The following SCAPER variants were observed in gnomAD, a reference collection of about 807,000 sequenced individuals.
SCAPER encodes S-phase cyclin A associated protein in the ER.
In SCAPER, 98 loss-of-function variants were observed where a neutral mutation model predicts 182.2. That is an observed-to-expected ratio of 0.54 (90% CI 0.46 to 0.64). The LOEUF (loss-of-function observed/expected upper bound fraction) is 0.64, where lower values mean the gene tolerates loss of function less well. Ranked by LOEUF, SCAPER falls within the 30% of genes least tolerant of loss-of-function variation. The pLI, the probability that SCAPER is intolerant of heterozygous loss-of-function variation, is 0.00. For missense variants in SCAPER, 1,432 were observed against 1,690.0 expected, an observed-to-expected ratio of 0.85 and a Z score of 2.68; for synonymous variants, 605 against 564.6, an observed-to-expected ratio of 1.07 and a Z score of -1.01.
intron 24 of SCAPER, among the ~76,000 whole-genome samples, chr15:76,504,163 T>C (rs1237772277): frequency 2.0e-5 from 3 of 152,112 alleles, no homozygotes; most frequent in East Asian, 1.9e-4. Context: ...GCTGGGATCA[T>C]AGATGTGAGC....
At chr15:76,523,215 T>C (rs2042953149) in intron 23 of SCAPER, among the ~76,000 whole-genome samples, 1 of 152,092 alleles carries the variant, frequency 6.6e-6, no homozygotes, top group Non-Finnish European at 1.5e-5. Flanking sequence ...GGGTTCACAC[T>C]CAGTTAAACT....
At chr15:76,478,006 T>C (rs2050797864) in intron 24 of SCAPER, among the ~76,000 whole-genome samples, 1 of 151,990 alleles carries the variant, frequency 6.6e-6, no homozygotes, top group Non-Finnish European at 1.5e-5. Context: ...TGCCAAACTT[T>C]TCCTTTAGGA....
At chr15:76,430,473 G>A (rs555401042) in intron 26 of SCAPER, among the ~76,000 whole-genome samples, 2 of 152,362 alleles carry the variant, frequency 1.3e-5, no homozygotes, top group South Asian at 2.1e-4. Flanking sequence ...CGCCCAACAC[G>A]ATGGGAACCC....
chr15:76,793,840 T>C (rs1359611327), intron 8 of SCAPER, among the ~76,000 whole-genome samples: 2 of 152,202 alleles, frequency 1.3e-5, no homozygotes, highest in Non-Finnish European at 2.9e-5. Flanking sequence ...GTTACTGGCA[T>C]CAGAAGTGGG....
chr15:76,638,790 T>A (rs1480154885), intron 21 of SCAPER, among the ~76,000 whole-genome samples: 2 of 152,228 alleles, frequency 1.3e-5, no homozygotes, highest in Non-Finnish European at 2.9e-5. Flanking sequence ...CTTATGTATT[T>A]GGCTGTTTCC....
intron 23 of SCAPER, among the ~76,000 whole-genome samples, chr15:76,554,313 CT>C (rs1397806599): frequency 2.6e-5 from 4 of 152,154 alleles, no homozygotes; most frequent in Non-Finnish European, 5.9e-5. Flanking sequence ...AACAAAACCT[CT>C]GAGAAATATG....
chr15:76,467,343 T>C (rs1315044368), intron 25 of SCAPER, among the ~76,000 whole-genome samples: 2 of 152,164 alleles, frequency 1.3e-5, no homozygotes, highest in African/African-American at 2.4e-5. Context: ...GCAAGACAGA[T>C]AGCAATCTCT....
intron 29 of SCAPER, among the ~76,000 whole-genome samples, chr15:76,369,599 A>G (rs1486620016): frequency 6.6e-6 from 1 of 152,218 alleles, no homozygotes; most frequent in Non-Finnish European, 1.5e-5. Flanking sequence ...CTATGACTGA[A>G]GAAGCTAAGG....
rs899207268 is a variant in SCAPER at position 76,804,511 on chromosome 15, T to C, written c.494+22A>G. The stretch of plus-strand genomic sequence containing the variant: ...TTGAAACTGCTGGATGATAGGAAGA[T>C]TGAGACCAGAGAGCTCATTACCTGC... On this transcript the variant is annotated intron_variant, in intron 6 of 31. Transcript: ENST00000563290. 4.6e-6 allele frequency: 7 copies of C among 1,508,432 alleles called. 1 individual carries two copies. The highest frequency in any genetic ancestry group is 4.1e-5 in the African/African-American group (3 of 72,458). 93.4% of individuals were successfully genotyped at this position (1,508,432 alleles called of 1,614,324 possible). A position where few individuals can be genotyped will look rare whatever the true frequency, so the allele number is the denominator to read the frequency against.
intron 1 of SCAPER, among the ~76,000 whole-genome samples, chr15:76,890,949 A>C (rs1016135168): frequency 6.6e-6 from 1 of 152,224 alleles, no homozygotes; most frequent in Non-Finnish European, 1.5e-5. Context: ...ATCCAGCAGC[A>C]CATCAAAAAG....
intron 24 of SCAPER, among the ~76,000 whole-genome samples, chr15:76,483,509 T>C (rs1380392894): frequency 6.6e-6 from 1 of 152,050 alleles, no homozygotes; most frequent in Non-Finnish European, 1.5e-5. Context: ...TTGGAATTCA[T>C]TAAAGTTAAA....
At chr15:76,899,961 T>G (rs2074674930) in intron 1 of SCAPER, among the ~76,000 whole-genome samples, 1 of 152,186 alleles carries the variant, frequency 6.6e-6, no homozygotes, top group East Asian at 1.9e-4. Context: ...TAGAAAGAAG[T>G]AGACATAGGA....
rs776329857 is a variant in SCAPER at position 76,434,276 on chromosome 15, C to T, written c.3113G>A (p.Gly1038Glu). The T allele has an allele frequency of 2.5e-5, 41 of 1,612,414 alleles. No individual in the cohort carries two copies. In the South Asian group the frequency reaches 4.3e-4, roughly 17 times the overall value. The change falls in exon 26 of 32, where the codon GGG (glycine) becomes GAG (glutamate). Residue 1038 changes from glycine (G) to glutamate (E), a missense_variant. Gly to Glu is a moderately conservative substitution (Grantham distance 98). This residue lies in a region of SCAPER where 718 missense variants were observed against 799.7 expected (regional missense o/e 0.90). Transcript: ENST00000563290. ...YVPDENNTIL[G>E]RNTNKQVFEG... is the part of the protein sequence containing the mutation. ...AAAAACTTGTTTATTTGTATTTCTCCCCAAAATAGTATTATTTTCATCTGG... is the reference window on the plus strand; with the variant it reads ...AAAAACTTGTTTATTTGTATTTCTCTCCAAAATAGTATTATTTTCATCTGG...
In SCAPER at chr15:76,495,991, GAGACACACACACACAC is replaced by G. The variant is rs1312196578; in HGVS notation, c.2954+8852_2954+8867del. ...AGAAAGAGAAAGAAAGCAAAAGAGA[GAGACACACACACACAC>G]ACACACACACACACACACACACACA... On this transcript the variant is annotated intron_variant, in intron 24 of 31. Transcript: ENST00000563290. 7.3e-4 allele frequency among the ~76,000 whole-genome samples: 74 copies of G among 100,974 alleles called. 1 individual carries two copies. The highest frequency in any genetic ancestry group is 2.5e-3 in the African/African-American group (60 of 23,780). The allele number at this position is 100,974 out of a possible 152,430, so 66.2% of individuals were successfully genotyped here.
chr15:76,510,888 T>TGTGCGCGC (rs1491205462), intron 23 of SCAPER, among the ~76,000 whole-genome samples: 13 of 141,090 alleles, frequency 9.2e-5, no homozygotes, highest in African/African-American at 3.4e-4. Flanking sequence ...TGTGTGTGTG[T>TGTGCGCGC]GCGCGCGCGC....
chr15:76,859,748 T>C (rs984045420), intron 3 of SCAPER, among the ~76,000 whole-genome samples: 3 of 152,190 alleles, frequency 2.0e-5, no homozygotes, highest in African/African-American at 7.2e-5. Flanking sequence ...TTTTGTTTTT[T>C]TGAGACAGAG....
At chr15:76,570,654 T>C (rs1243010289) in intron 23 of SCAPER, among the ~76,000 whole-genome samples, 1 of 152,118 alleles carries the variant, frequency 6.6e-6, no homozygotes, top group Admixed American at 6.5e-5. Flanking sequence ...AGCCTTGCAG[T>C]TCTAGTTTCT....
intron 4 of SCAPER, among the ~76,000 whole-genome samples, chr15:76,854,047 G>A (rs2071063960): frequency 6.6e-6 from 1 of 152,122 alleles, no homozygotes; most frequent in Non-Finnish European, 1.5e-5. Context: ...GAGGCAGGCG[G>A]ATCACGAGGT....
chr15:76,503,693 T>C (rs2041335696), intron 24 of SCAPER, among the ~76,000 whole-genome samples: 1 of 152,200 alleles, frequency 6.6e-6, no homozygotes, highest in South Asian at 2.1e-4. Context: ...AGGAAACAGA[T>C]GCAATGAAAT....
Sources: allele counts gnomAD v4.1 joint callset (sites outside exome capture counted in the v4.1 genomes callset), GRCh38; gene constraint gnomAD v4.1.1; regional missense constraint gnomAD v4.1.1; transcripts MANE v1.5; gene names NCBI Gene and HGNC (gene_info 2026-07-23, HGNC 2026-07-21).